The following RAB11FIP4 variants were observed in gnomAD, a reference collection of about 807,000 sequenced individuals.
RAB11FIP4 encodes RAB11 family interacting protein 4.
A neutral mutation model predicts 74.3 loss-of-function variants in RAB11FIP4; 23 were observed. The observed-to-expected ratio is 0.31, with a 90% CI of 0.22 to 0.44. The LOEUF is 0.44. Ranked by LOEUF, RAB11FIP4 falls within the 20% of genes least tolerant of loss-of-function variation. The pLI is 1.00. For missense variants in RAB11FIP4, 630 were observed against 863.9 expected (o/e 0.73, Z 3.39); for synonymous variants, 360 against 359.9 (o/e 1.00, Z 0.00).
At chr17:31,484,317 C>T (rs377154993) in intron 3 of RAB11FIP4, among the ~76,000 whole-genome samples, 2 of 151,734 alleles carry the variant, frequency 1.3e-5, no homozygotes, top group African/African-American at 2.4e-5. Flanking sequence ...GTGATCTGCC[C>T]GCCTCGGCCT....
chr17:31,400,465 A>G (rs2070974155), intron 1 of RAB11FIP4, among the ~76,000 whole-genome samples: 1 of 152,132 alleles, frequency 6.6e-6, no homozygotes, highest in Non-Finnish European at 1.5e-5. Flanking sequence ...GAAGCCCCCA[A>G]AGGGTTCTGA....
chr17:31,394,725 T>C (rs1567641076), intron 1 of RAB11FIP4, among the ~76,000 whole-genome samples: 2 of 152,170 alleles, frequency 1.3e-5, no homozygotes, highest in African/African-American at 2.4e-5. Flanking sequence ...GGAGAAGCAG[T>C]GCTTGGTGTG....
In RAB11FIP4 at chr17:31,448,413, G is replaced by GTTTTTTTTTTTTTTT. The variant is rs1567659533; in HGVS notation, c.336+14291_336+14292insTTTTTTTTTTTTTTT. 26 of 29,710 alleles carry GTTTTTTTTTTTTTTT rather than the reference G, an allele frequency of 8.8e-4. 3 individuals carry two copies. Among genetic ancestry groups the GTTTTTTTTTTTTTTT allele is most frequent in the African/African-American group, 5.2e-3 (23 of 4,422 alleles). 1.8% of individuals were successfully genotyped at this position (29,710 alleles called of 1,614,324 possible). A position where few individuals can be genotyped will look rare whatever the true frequency, so the allele number is the denominator to read the frequency against. On this transcript the variant is annotated intron_variant, in intron 3 of 14. Coordinates refer to ENST00000621161, the MANE Select transcript of RAB11FIP4 (RefSeq NM_032932.6). ...GCTAATTTTTTTTTTTTTTTTTTTG[G>GTTTTTTTTTTTTTTT]CAGAGACCGGGTCTAGCTATGTTGC...
chr17:31,470,333 T>A (rs1233262816), intron 3 of RAB11FIP4, among the ~76,000 whole-genome samples: 1 of 152,184 alleles, frequency 6.6e-6, no homozygotes, highest in Non-Finnish European at 1.5e-5. Flanking sequence ...GGCTTTCTGC[T>A]CTACCCCCTG....
At chr17:31,491,557 G>A (rs1255606511) in intron 3 of RAB11FIP4, among the ~76,000 whole-genome samples, 1 of 152,150 alleles carries the variant, frequency 6.6e-6, no homozygotes, top group Non-Finnish European at 1.5e-5. Context: ...GAGAAAAGAG[G>A]AACTGCAAGG....
chr17:31,472,458 G>A (rs116066000), intron 3 of RAB11FIP4, among the ~76,000 whole-genome samples: 1,533 of 152,282 alleles, frequency 0.01, 30 homozygotes, highest in African/African-American at 0.035. Flanking sequence ...CGGCCCCAGC[G>A]CTCACCATCC....
At chr17:31,452,007 T>G (rs2071531768) in intron 3 of RAB11FIP4, among the ~76,000 whole-genome samples, 1 of 152,194 alleles carries the variant, frequency 6.6e-6, no homozygotes, top group Non-Finnish European at 1.5e-5. Context: ...ATCCATTACC[T>G]CAAACCTTTG....
intron 3 of RAB11FIP4, among the ~76,000 whole-genome samples, chr17:31,437,047 C>T (rs2071365540): frequency 6.6e-6 from 1 of 152,094 alleles, no homozygotes; most frequent in Non-Finnish European, 1.5e-5. Flanking sequence ...GCCTCGGCCT[C>T]CCAATGCTTT....
At chr17:31,453,685 C>T (rs916415224) in intron 3 of RAB11FIP4, among the ~76,000 whole-genome samples, 19 of 147,558 alleles carry the variant, frequency 1.3e-4, no homozygotes, top group South Asian at 2.2e-4. Flanking sequence ...ATTAGCTGGG[C>T]GTGGTGGTGC....
At position 31,416,880 on chromosome 17, in the gene RAB11FIP4, C is replaced by T. The variant is rs370242972; in HGVS notation, c.160-14933C>T. On this transcript the variant is annotated intron_variant, in intron 1 of 14. Transcript: ENST00000621161. ...GCTGCCTGACACCAGCCAGCTCTGC[C>T]GCTGTCAGCACTTGCCCCTGTGCTT... Among the ~76,000 whole-genome samples, 36 of 152,160 alleles carry T rather than the reference C, an allele frequency of 2.4e-4. 1 individual carries two copies. The highest frequency in any genetic ancestry group is 8.3e-4 in the South Asian group (4 of 4,832).
intron 3 of RAB11FIP4, among the ~76,000 whole-genome samples, chr17:31,513,631 G>T (rs1299442495): frequency 6.6e-6 from 1 of 152,248 alleles, no homozygotes; most frequent in Non-Finnish European, 1.5e-5. Context: ...AAGGCGTGCA[G>T]TAAACTGTCT....
At chr17:31,426,891 C>T (rs575632339) in intron 1 of RAB11FIP4, among the ~76,000 whole-genome samples, 9 of 152,126 alleles carry the variant, frequency 5.9e-5, no homozygotes, top group Admixed American at 2.0e-4. Context: ...CCAGGCACCA[C>T]GCCCAGCCCA....
At position 31,517,638 on chromosome 17, in the gene RAB11FIP4, C is replaced by G. The variant is rs1229759777; in HGVS notation, c.337-13C>G. ...TGGCCTCACTTATCTTGTCTCTGCT[C>G]TCTCTTTCCCAGGGCAGCGAGGTCA... On this transcript the variant is annotated splice_polypyrimidine_tract_variant and intron_variant, in intron 3 of 14. Transcript: ENST00000621161. 6.3e-7 allele frequency: 1 copy of G among 1,588,322 alleles called. No homozygotes were observed. Among genetic ancestry groups the G allele is most frequent in the Non-Finnish European group, 8.6e-7 (1 of 1,167,690 alleles).
intron 2 of RAB11FIP4, among the ~76,000 whole-genome samples, chr17:31,432,887 A>T (rs916700426): frequency 2.6e-5 from 4 of 152,146 alleles, no homozygotes; most frequent in African/African-American, 9.7e-5. Flanking sequence ...ACTTTTTGGG[A>T]GGCCGAGGCA....
At chr17:31,489,911 C>T (rs1257177135) in intron 3 of RAB11FIP4, among the ~76,000 whole-genome samples, 2 of 152,020 alleles carry the variant, frequency 1.3e-5, no homozygotes, top group Non-Finnish European at 2.9e-5. Flanking sequence ...GGGCCGGAGG[C>T]GAGGGGCGGG....
intron 3 of RAB11FIP4, among the ~76,000 whole-genome samples, chr17:31,504,606 C>T (rs986261152): frequency 1.3e-5 from 2 of 152,078 alleles, no homozygotes; most frequent in Non-Finnish European, 2.9e-5. Flanking sequence ...TTCAAATGAG[C>T]CATTTGAAAA....
chr17:31,435,760 G>A (rs896958035), intron 3 of RAB11FIP4, among the ~76,000 whole-genome samples: 8 of 152,230 alleles, frequency 5.3e-5, no homozygotes, highest in African/African-American at 1.9e-4. Context: ...ACAGTGCTGA[G>A]GGCTGCCAAG....
intron 3 of RAB11FIP4, among the ~76,000 whole-genome samples, chr17:31,495,405 C>T (rs1311425465): frequency 1.6e-5 from 2 of 127,132 alleles, no homozygotes; most frequent in Non-Finnish European, 3.3e-5. Context: ...GACAGGGTTT[C>T]GCATTTCTGC....
chr17:31,513,841 G>A (rs1354260964), intron 3 of RAB11FIP4, among the ~76,000 whole-genome samples: 1 of 152,150 alleles, frequency 6.6e-6, no homozygotes, highest in Non-Finnish European at 1.5e-5. Flanking sequence ...GTGTCAGCCG[G>A]GTGTCAGGTC....
Sources: allele counts gnomAD v4.1 joint callset (sites outside exome capture counted in the v4.1 genomes callset), GRCh38; gene constraint gnomAD v4.1.1; transcripts MANE v1.5; gene names NCBI Gene and HGNC (gene_info 2026-07-23, HGNC 2026-07-21).